Variants in KLK5 observed in about 807,000 individuals in gnomAD.
KLK5 encodes the protein kallikrein related peptidase 5.
In KLK5, 18 loss-of-function variants were observed where a neutral mutation model predicts 24.0. That is an observed-to-expected ratio of 0.75 (90% CI 0.52 to 1.11). The LOEUF is 1.11. Ranked by LOEUF, KLK5 falls within the 50% of genes most tolerant of loss-of-function variation. KLK5 has a pLI of 0.00. For missense variants in KLK5, 374 were observed against 379.2 expected (o/e 0.99, Z 0.11); for synonymous variants, 140 against 154.0 (o/e 0.91, Z 0.67).
At position 50,944,992 on chromosome 19, in the gene KLK5, CTT is replaced by C. The variant is rs969422663; in HGVS notation, c.727-1208_727-1207del. On this transcript the variant is annotated intron_variant, in intron 5 of 5. Transcript: ENST00000336334. ...CTTTCTTCTTTCTTTCTTTCTTTTT[CTT>C]TCTTTCTCTTTCTTCCTTTCTTTCT... Among the ~76,000 whole-genome samples the C allele has an allele frequency of 2.0e-4, 30 of 148,200 alleles. No individual in the cohort carries two copies. In the Admixed American group the frequency reaches 2.0e-3, roughly 10 times the overall value.
intron 2 of KLK5, among the ~76,000 whole-genome samples, chr19:50,950,485 A>G (rs2058727832): frequency 6.6e-6 from 1 of 152,078 alleles, no homozygotes; most frequent in Non-Finnish European, 1.5e-5. Context: ...ACTGGTCTCA[A>G]GAAGTGGGGT....
chr19:50,949,777 ACACCCCCACCCCCACTTCCC>A lies in KLK5; in HGVS notation c.335+58_335+77del, dbSNP rs553457602. The A allele has an allele frequency of 2.0e-3, 815 of 407,282 alleles. 152 individuals carry two copies. Among genetic ancestry groups the A allele is most frequent in the East Asian group, 4.1e-3 (57 of 13,756 alleles). The allele number at this position is 407,282 out of a possible 1,614,324, so 25.2% of individuals were successfully genotyped here. A position where few individuals can be genotyped will look rare whatever the true frequency, so the allele number is the denominator to read the frequency against. On this transcript the variant is annotated intron_variant, in intron 3 of 5. Transcript: ENST00000336334. Reference sequence around the variant, plus strand: ...GTCCCCACCAGCCCTCACCTCCATGACACCCCCACCCCCACTTCCCCACCCCCACCCCCACTTCCCCGTCC... The same window carrying A: ...GTCCCCACCAGCCCTCACCTCCATGACACCCCCACCCCCACTTCCCCGTCC...
intron 5 of KLK5, among the ~76,000 whole-genome samples, chr19:50,944,474 C>CTCTCTCACTTTCTCTCCCTTT (rs2090614133): frequency 6.6e-6 from 1 of 152,092 alleles, no homozygotes; most frequent in Non-Finnish European, 1.5e-5. Flanking sequence ...GTGTATCTCT[C>CTCTCTCACTTTCTCTCCCTTT]CGCCTCCCTT....
chr19:50,951,491 C>G (rs938692572), intron 2 of KLK5, among the ~76,000 whole-genome samples: 15 of 152,192 alleles, frequency 9.9e-5, no homozygotes, highest in Admixed American at 3.9e-4. Context: ...AGGCTGGCCT[C>G]GATCTCCCGA....
chr19:50,950,148 AGAGGCGGGGC>A, intron 2 of KLK5, 32 bp from the exon 3 acceptor site: 12 of 1,433,726 alleles, frequency 8.4e-6, no homozygotes, highest in Non-Finnish European at 1.2e-5. Context: ...GGCGGGGCTC[AGAGGCGGGGC>A]TTGGGCTGGG....
Position 50,951,483 on chromosome 19 carries a change from G to C in KLK5, c.73+1102C>G, listed in dbSNP as rs2090687357. 2.0e-5 allele frequency among the ~76,000 whole-genome samples: 3 copies of C among 152,114 alleles called. No individual in the cohort carries two copies. The South Asian group carries it at 6.2e-4, about 32-fold the overall frequency. On this transcript the variant is annotated intron_variant, in intron 2 of 5. Coordinates refer to ENST00000336334, the MANE Select transcript of KLK5 (RefSeq NM_012427.5). ...AGACGGGGTTCTCCATGTTGGTCAG[G>C]CTGGCCTCGATCTCCCGACCTCAGG...
At chr19:50,950,957 G>A (rs1397919322) in intron 2 of KLK5, among the ~76,000 whole-genome samples, 1 of 151,954 alleles carries the variant, frequency 6.6e-6, no homozygotes. Context: ...AATAGGGGGT[G>A]GAGCCTGGCC....
At chr19:50,950,713 G>C (rs1419037357) in intron 2 of KLK5, among the ~76,000 whole-genome samples, 1 of 152,000 alleles carries the variant, frequency 6.6e-6, no homozygotes, top group Non-Finnish European at 1.5e-5. Context: ...CCAACAAGGT[G>C]AAACCCTGTC....
chr19:50,949,453 C>T (rs1297506240), intron 3 of KLK5, among the ~76,000 whole-genome samples: 2 of 151,668 alleles, frequency 1.3e-5, no homozygotes, highest in Non-Finnish European at 2.9e-5. Context: ...TCCATGCTAT[C>T]TTCATTTCCA....
Position 50,948,194 on chromosome 19 carries a change from T to C in KLK5, c.726+446A>G, listed in dbSNP as rs182756426. Among the ~76,000 whole-genome samples, 461 of 152,156 alleles carry C rather than the reference T, an allele frequency of 3.0e-3. 1 individual carries two copies. Among genetic ancestry groups the C allele is most frequent in the Non-Finnish European group, 4.8e-3 (329 of 67,980 alleles). On this transcript the variant is annotated intron_variant, in intron 5 of 5. Coordinates refer to ENST00000336334, the MANE Select transcript of KLK5 (RefSeq NM_012427.5). ...TTGGAGTGAGTGGCACGATCTCAGC[T>C]CACTGCAACCTCCACCTCCTGGGTT...
intron 3 of KLK5, 79 bp from the exon 4 acceptor site, chr19:50,949,194 C>T: frequency 7.0e-7 from 1 of 1,431,384 alleles, no homozygotes; most frequent in Admixed American, 2.0e-5. Context: ...CCACACCCAG[C>T]CCCAGCCCCA....
chr19:50,943,826 T>C, intron 5 of KLK5, 40 bp from the exon 6 acceptor site: 1 of 1,561,948 alleles, frequency 6.4e-7, no homozygotes, highest in South Asian at 1.2e-5. Flanking sequence ...GGCAGAGATG[T>C]GGCAAAGTGG....
In KLK5 at chr19:50,947,637, AT is replaced by A. The variant is rs2090647177; in HGVS notation, c.726+1002del. Among the ~76,000 whole-genome samples the A allele has an allele frequency of 6.8e-6, 1 of 147,966 alleles. No individual in the cohort carries two copies. Among genetic ancestry groups the A allele is most frequent in the Non-Finnish European group, 1.5e-5 (1 of 66,838 alleles). On this transcript the variant is annotated intron_variant, in intron 5 of 5. Coordinates refer to ENST00000336334, the MANE Select transcript of KLK5 (RefSeq NM_012427.5). This position sits in a 1 kb window ranked among gnomAD's most constrained non-coding sequence, Gnocchi z 8.7. ...TTGCAATTAATCCCCTGTATTAAAT[AT>A]TCTCTTGTAAAAATACCTACCAGAT...
intron 5 of KLK5, among the ~76,000 whole-genome samples, chr19:50,944,721 T>C (rs2090615959): frequency 6.6e-6 from 1 of 152,198 alleles, no homozygotes; most frequent in African/African-American, 2.4e-5. Context: ...ACTTGGCATC[T>C]ATCCATTAGT....
intron 5 of KLK5, among the ~76,000 whole-genome samples, chr19:50,945,060 CTCCT>C (rs912788827): frequency 1.5e-5 from 2 of 132,934 alleles, no homozygotes; most frequent in East Asian, 2.2e-4. Flanking sequence ...TCCTTTCTTT[CTCCT>C]TCCTTCCTTC....
Position 50,950,174 on chromosome 19 carries a change from G to A in KLK5, c.74-58C>T. On this transcript the variant is annotated intron_variant, in intron 2 of 5. Transcript: ENST00000336334. ...GAGGCGGGGCTTGGGCTGGGGGTGG[G>A]TTTCAGACTCAAGAGGCCAGACCAG... 2.6e-6 allele frequency: 4 copies of A among 1,557,684 alleles called. No homozygotes were observed. The South Asian group carries it at 4.6e-5, about 18-fold the overall frequency.
rs1330609353 is a variant in KLK5 at position 50,948,856 on chromosome 19, C to T, written c.592+3G>A. On this transcript the variant is annotated splice_donor_region_variant and intron_variant, in intron 4 of 5. Coordinates refer to ENST00000336334, the MANE Select transcript of KLK5 (RefSeq NM_012427.5). Reference sequence around the variant, plus strand: ...CGGTATCAAGAAGAACCTGGACACTCACCTTGGGGGCTCTTGGTTGTCCCC... The same window carrying T: ...CGGTATCAAGAAGAACCTGGACACTTACCTTGGGGGCTCTTGGTTGTCCCC... 3.1e-6 allele frequency: 5 copies of T among 1,613,952 alleles called. No individual in the cohort carries two copies. The highest frequency in any genetic ancestry group is 4.2e-6 in the Non-Finnish European group (5 of 1,180,018).
chr19:50,946,858 C>T (rs772804135), intron 5 of KLK5, among the ~76,000 whole-genome samples: 9 of 152,094 alleles, frequency 5.9e-5, no homozygotes, highest in East Asian at 1.9e-4. Flanking sequence ...CACGCCCGGC[C>T]GAGATGTGCT....
intron 2 of KLK5, among the ~76,000 whole-genome samples, chr19:50,951,484 C>A (rs1339981606): frequency 6.6e-6 from 1 of 152,048 alleles, no homozygotes; most frequent in Admixed American, 6.6e-5. Context: ...GTTGGTCAGG[C>A]TGGCCTCGAT....
Sources: gnomAD v4.1 joint callset for allele counts (sites outside exome capture counted in the v4.1 genomes callset) on GRCh38, gnomAD v4.1.1 for gene constraint, Gnocchi (gnomAD v3.1) non-coding constraint, MANE v1.5 for transcripts, NCBI Gene and HGNC (gene_info 2026-07-23, HGNC 2026-07-21) for gene names.